Variants in TNS3 observed in about 807,000 individuals in gnomAD.
TNS3 encodes tensin 3, also known as tensin-3.
TNS3 carries 45 observed loss-of-function variants against 140.9 expected under a neutral mutation model. The ratio of observed to expected loss-of-function variants is 0.32; its 90% CI spans 0.25 to 0.41. The LOEUF is 0.41. Among genes scored for constraint, TNS3 ranks in the 10% least tolerant of loss-of-function variants. The pLI is 1.00. For synonymous variants in TNS3, 815 were observed against 788.4 expected (o/e 1.03, Z -0.56); for missense variants, 1,716 against 1,906.7 (o/e 0.90, Z 1.86).
intron 17 of TNS3, among the ~76,000 whole-genome samples, chr7:47,351,601 G>T (rs935394671): frequency 1.4e-4 from 21 of 152,140 alleles, no homozygotes; most frequent in African/African-American, 5.1e-4. Context: ...TCCAGTCAAG[G>T]CTCCGGTGCC....
In TNS3 at chr7:47,481,109, C is replaced by G. The variant is rs781298738; in HGVS notation, c.-82G>C. ...AGAAATGCAAAGGGCTTACCTGTTCCAGTCGGACTTGCACACCGCAGGGAA... is the reference window on the plus strand; with the variant it reads ...AGAAATGCAAAGGGCTTACCTGTTCGAGTCGGACTTGCACACCGCAGGGAA... On this transcript the variant is annotated 5_prime_UTR_variant, in exon 4 of 31. Coordinates refer to ENST00000311160, the MANE Select transcript of TNS3 (RefSeq NM_022748.12). The G allele has an allele frequency of 1.8e-5, 23 of 1,289,654 alleles. No individual in the cohort carries two copies. The highest frequency in any genetic ancestry group is 9.2e-5 in the Admixed American group (4 of 43,542). The allele number at this position is 1,289,654 out of a possible 1,614,324, so 79.9% of individuals were successfully genotyped here.
intron 1 of TNS3, among the ~76,000 whole-genome samples, chr7:47,569,990 A>C (rs781744407): frequency 5.3e-5 from 8 of 151,808 alleles, no homozygotes; most frequent in Non-Finnish European, 1.2e-4. Context: ...CTCTACTAAA[A>C]ATATAAAAAA....
intron 3 of TNS3, among the ~76,000 whole-genome samples, chr7:47,488,635 G>A (rs1305006921): frequency 6.6e-6 from 1 of 152,180 alleles, no homozygotes; most frequent in Non-Finnish European, 1.5e-5. Context: ...TCCAAATCCT[G>A]CCATACTCTG....
chr7:47,574,846 G>A (rs1800640208), intron 1 of TNS3, among the ~76,000 whole-genome samples: 1 of 152,172 alleles, frequency 6.6e-6, no homozygotes, highest in African/African-American at 2.4e-5. Flanking sequence ...GTGGTTGCCA[G>A]GGACTGGGGG....
chr7:47,479,534 G>A (rs909802513), intron 4 of TNS3, among the ~76,000 whole-genome samples: 1 of 149,904 alleles, frequency 6.7e-6, no homozygotes, highest in African/African-American at 2.5e-5. Context: ...GAGTGAGACT[G>A]GACCACAGGC....
intron 4 of TNS3, among the ~76,000 whole-genome samples, chr7:47,468,941 T>TA (rs1339882726): frequency 6.6e-6 from 1 of 152,186 alleles, no homozygotes; most frequent in African/African-American, 2.4e-5. Context: ...GCTGCACACT[T>TA]ACAACCATCT....
At chr7:47,471,618 T>C (rs1210362462) in intron 4 of TNS3, among the ~76,000 whole-genome samples, 1 of 152,198 alleles carries the variant, frequency 6.6e-6, no homozygotes, top group Middle Eastern at 3.2e-3. Context: ...GAAGCTCCTC[T>C]TTTAAACACG....
chr7:47,564,653 A>AAAAAC lies in TNS3; in HGVS notation c.-265+17397_-265+17398insGTTTT, dbSNP rs1800391016. Among the ~76,000 whole-genome samples the AAAAAC allele has an allele frequency of 1.5e-5, 2 of 136,222 alleles. 1 individual carries two copies. Among genetic ancestry groups the AAAAAC allele is most frequent in the Non-Finnish European group, 3.2e-5 (2 of 61,744 alleles). 89.4% of individuals were successfully genotyped at this position (136,222 alleles called of 152,430 possible). A position where few individuals can be genotyped will look rare whatever the true frequency, so the allele number is the denominator to read the frequency against. On this transcript the variant is annotated intron_variant, in intron 1 of 30. Transcript: ENST00000311160. ...TCCGTCTCAAAAAAAAAAAAAACAAAAAAAAACAAAAAAAGACTGCAACCT... is the reference window on the plus strand; with the variant it reads ...TCCGTCTCAAAAAAAAAAAAAACAAAAAAACAAAAAACAAAAAAAGACTGCAACCT...
intron 20 of TNS3, among the ~76,000 whole-genome samples, chr7:47,330,194 C>A (rs192286546): frequency 1.3e-5 from 2 of 152,262 alleles, no homozygotes; most frequent in Admixed American, 6.5e-5. Context: ...CTGCTACAGC[C>A]AGGACCACCC....
chr7:47,488,515 A>G (rs968049932), intron 3 of TNS3, among the ~76,000 whole-genome samples: 3 of 152,172 alleles, frequency 2.0e-5, no homozygotes, highest in Admixed American at 1.3e-4. Flanking sequence ...TCACGTGGCC[A>G]TTCCTTGTGT....
At chr7:47,524,808 C>CAAAAAAAAAA (rs1354544006) in intron 2 of TNS3, among the ~76,000 whole-genome samples, 296 of 25,250 alleles carry the variant, frequency 0.012, 109 homozygotes, top group East Asian at 0.024. Context: ...GACTCCGTCT[C>CAAAAAAAAAA]AAGAAAAAAA....
chr7:47,444,929 T>C (rs981008998), intron 4 of TNS3, among the ~76,000 whole-genome samples: 1 of 152,174 alleles, frequency 6.6e-6, no homozygotes, highest in African/African-American at 2.4e-5. Flanking sequence ...AAGTGTTGAA[T>C]TGCACAAAGT....
intron 16 of TNS3, among the ~76,000 whole-genome samples, chr7:47,396,176 C>T (rs1043567894): frequency 1.1e-4 from 17 of 152,228 alleles, no homozygotes; most frequent in Non-Finnish European, 2.4e-4. Context: ...AATTCCCCTC[C>T]TTTGAAATCA....
chr7:47,428,203 G>A, intron 9 of TNS3, 109 bp downstream of exon 9: 1 of 735,674 alleles, frequency 1.4e-6, no homozygotes, highest in Non-Finnish European at 2.0e-6. Flanking sequence ...GGAAACACAG[G>A]TCAGCCGAGC....
intron 3 of TNS3, among the ~76,000 whole-genome samples, chr7:47,483,824 G>T (rs1468084709): frequency 6.6e-6 from 1 of 152,214 alleles, no homozygotes; most frequent in African/African-American, 2.4e-5. Context: ...CGGCTCGCGC[G>T]ATAAGTTGGC....
intron 1 of TNS3, chr7:47,579,462 C>G (rs531235763): frequency 1.3e-5 from 2 of 152,324 alleles, no homozygotes; most frequent in South Asian, 4.2e-4. Context: ...TGTGAGGAAG[C>G]CTCGAAGCCT....
rs117878202 is a variant in TNS3 at position 47,362,181 on chromosome 7, C to T, written c.2281+6184G>A. 7.6e-4 allele frequency among the ~76,000 whole-genome samples: 115 copies of T among 152,280 alleles called. 1 individual carries two copies. The East Asian group carries it at 0.018, about 24-fold the overall frequency. On this transcript the variant is annotated intron_variant, in intron 17 of 30. Transcript: ENST00000311160. ...GTCAGACCAGAGTGAGGGAGCAGGGCCTCATGGCTGGCAGGCACTTGTGGG... is the reference window on the plus strand; with the variant it reads ...GTCAGACCAGAGTGAGGGAGCAGGGTCTCATGGCTGGCAGGCACTTGTGGG...
intron 27 of TNS3, among the ~76,000 whole-genome samples, chr7:47,291,493 G>T (rs1785697666): frequency 9.3e-6 from 1 of 107,058 alleles, no homozygotes; most frequent in African/African-American, 3.8e-5. Context: ...CTCTAAAAAA[G>T]AAACTCTATG....
chr7:47,480,555 C>A (rs1362304684), intron 4 of TNS3, among the ~76,000 whole-genome samples: 1 of 152,168 alleles, frequency 6.6e-6, no homozygotes, highest in Non-Finnish European at 1.5e-5. Flanking sequence ...CAGGAGGTAC[C>A]ATGACCTTCC....
Sources: allele counts gnomAD v4.1 joint callset (sites outside exome capture counted in the v4.1 genomes callset), GRCh38; gene constraint gnomAD v4.1.1; transcripts MANE v1.5; gene names NCBI Gene and HGNC (gene_info 2026-07-23, HGNC 2026-07-21).